The following ZNF562 variants were observed in gnomAD, a reference collection of about 807,000 sequenced individuals.
ZNF562 encodes zinc finger protein 562.
In ZNF562, 13 loss-of-function variants were observed where a neutral mutation model predicts 17.5. The observed-to-expected ratio is 0.74, with a 90% confidence interval of 0.48 to 1.18. The LOEUF (loss-of-function observed/expected upper bound fraction) is 1.18. ZNF562 is among the 50% of genes most tolerant of loss of function. The pLI is 0.00. For synonymous variants in ZNF562, 163 were observed against 165.4 expected, an observed-to-expected ratio of 0.99 and a Z score of 0.11; for missense variants, 481 against 498.5, an observed-to-expected ratio of 0.96 and a Z score of 0.33.
In ZNF562 at chr19:9,651,188, G is replaced by C. The variant is rs1474558725; in HGVS notation, c.*1761C>G. 3 of 152,106 alleles carry C rather than the reference G, an allele frequency of 2.0e-5. No individual in the cohort carries two copies. The highest frequency in any genetic ancestry group is 7.2e-5 in the African/African-American group (3 of 41,428). The allele number at this position is 152,106 out of a possible 1,614,324, so 9.4% of individuals were successfully genotyped here. A position where few individuals can be genotyped will look rare whatever the true frequency, so the allele number is the denominator to read the frequency against. ...GAGTAGAGGCTGGAAAAATTCTGAT[G>C]TGCAAGCTGGAAATAAGGTTGGTAA... is the stretch of plus-strand genomic sequence containing the variant. On this transcript the variant is annotated 3_prime_UTR_variant, in exon 6 of 6. Transcript: ENST00000453372.
At position 9,645,997 on chromosome 19, in the gene ZNF562, A is replaced by T. The variant is rs2074803709; in HGVS notation, c.*6952T>A. On this transcript the variant is annotated 3_prime_UTR_variant, in exon 6 of 6. Coordinates refer to ENST00000453372, the MANE Select transcript of ZNF562 (RefSeq NM_001130031.2). ...TAGATGCTAGAAATTAATCCAAATT[A>T]TTACTAATTAAATGTCAGGCACTAA... 1 of 152,102 alleles carries T rather than the reference A, an allele frequency of 6.6e-6. No individual in the cohort carries two copies. The highest frequency in any genetic ancestry group is 1.5e-5 in the Non-Finnish European group (1 of 68,018). 9.4% of individuals were successfully genotyped at this position (152,102 alleles called of 1,614,324 possible).
In ZNF562 at chr19:9,650,921, T is replaced by C. The variant is rs918197174; in HGVS notation, c.*2028A>G. ...GTGAGCCAAGATCATACCATTGCAC[T>C]CCAGCCTGGGCAACAAGAGCAAAAC... On this transcript the variant is annotated 3_prime_UTR_variant, in exon 6 of 6. Transcript: ENST00000453372. 1 of 113,880 alleles carries C rather than the reference T, an allele frequency of 8.8e-6. No homozygotes were observed. The highest frequency in any genetic ancestry group is 3.5e-5 in the African/African-American group (1 of 28,574). The allele number at this position is 113,880 out of a possible 1,614,324, so 7.1% of individuals were successfully genotyped here. A position where few individuals can be genotyped will look rare whatever the true frequency, so the allele number is the denominator to read the frequency against.
chr19:9,674,900 C>T (rs560186115), intron 1 of ZNF562, 115 bp downstream of exon 1: 4 of 152,438 alleles, frequency 2.6e-5, no homozygotes, highest in Admixed American at 2.0e-4. Flanking sequence ...GACTGACAGC[C>T]CCTAGAAAAG....
chr19:9,674,250 C>T (rs1452713100), intron 1 of ZNF562, among the ~76,000 whole-genome samples: 1 of 151,596 alleles, frequency 6.6e-6, no homozygotes, highest in Non-Finnish European at 1.5e-5. Flanking sequence ...GAAAATGAGT[C>T]AGGGTGGAGT....
chr19:9,660,758 T>C lies in ZNF562; in HGVS notation c.-14A>G, dbSNP rs764610191. ...AAAGGCTGACATCCTCTGAAGCTGATGGTGAGATGTGCCTCAATGCTGTCT... is the reference window on the plus strand; with the variant it reads ...AAAGGCTGACATCCTCTGAAGCTGACGGTGAGATGTGCCTCAATGCTGTCT... On this transcript the variant is annotated 5_prime_UTR_variant, in exon 2 of 6. Transcript: ENST00000453372. 1.9e-6 allele frequency: 3 copies of C among 1,613,450 alleles called. No individual in the cohort carries two copies. The highest frequency in any genetic ancestry group is 2.5e-6 in the Non-Finnish European group (3 of 1,179,630).
intron 1 of ZNF562, among the ~76,000 whole-genome samples, chr19:9,663,248 C>CAAAAAAAAAAAAAAAAA (rs59452070): frequency 5.4e-5 from 7 of 129,860 alleles, no homozygotes; most frequent in South Asian, 2.6e-4. Context: ...ACTAAAAATA[C>CAAAAAAAAAAAAAAAAA]AAAAAAAAAA....
At chr19:9,661,481 G>T (rs1341670300) in intron 1 of ZNF562, among the ~76,000 whole-genome samples, 1 of 152,102 alleles carries the variant, frequency 6.6e-6, no homozygotes, top group Non-Finnish European at 1.5e-5. Flanking sequence ...ACCATGCCTG[G>T]CTAATTTTTA....
chr19:9,654,649 A>G (rs116185247), intron 5 of ZNF562, among the ~76,000 whole-genome samples: 2 of 151,982 alleles, frequency 1.3e-5, no homozygotes, highest in Non-Finnish European at 2.9e-5. Context: ...GGACTTCATC[A>G]TGTTAGCCAG....
Position 9,659,393 on chromosome 19 carries a change from A to C in ZNF562, c.100T>G (p.Ser34Ala). The C allele has an allele frequency of 1.9e-6, 3 of 1,551,330 alleles. No homozygotes were observed. The highest frequency in any genetic ancestry group is 2.6e-6 in the Non-Finnish European group (3 of 1,146,788). Residue 34 changes from serine to alanine, a missense_variant, in exon 3 of 6, where the codon TCA (serine) becomes GCA (alanine). Transcript: ENST00000453372. Reference protein sequence around the residue: ...KIGTMVEDHRSNSYQDSVTFD... With the variant: ...KIGTMVEDHRANSYQDSVTFD... The stretch of plus-strand genomic sequence containing the variant: ...TTTCTGTTTACCTGGTAAGAATTTG[A>C]CCGGTGGTCCTCTACCATCGTTCCT...
Position 9,669,734 on chromosome 19 carries a change from GCACACACACACA to G in ZNF562, c.-131+5269_-131+5280del, listed in dbSNP as rs71188835. ...CGCGCGCGAGCGCGCGCGCGCGCGC[GCACACACACACA>G]CACACACACACACACACACACACAC... is the stretch of plus-strand genomic sequence containing the variant. On this transcript the variant is annotated intron_variant, in intron 1 of 5. Coordinates refer to ENST00000453372, the MANE Select transcript of ZNF562 (RefSeq NM_001130031.2). Among the ~76,000 whole-genome samples, 63 of 109,338 alleles carry G rather than the reference GCACACACACACA, an allele frequency of 5.8e-4. 2 individuals are homozygous for G. Among genetic ancestry groups the G allele is most frequent in the East Asian group, 2.4e-3 (8 of 3,370 alleles). 71.7% of individuals were successfully genotyped at this position (109,338 alleles called of 152,430 possible).
chr19:9,672,953 G>C (rs1442221395), intron 1 of ZNF562, among the ~76,000 whole-genome samples: 1 of 151,916 alleles, frequency 6.6e-6, no homozygotes, highest in Non-Finnish European at 1.5e-5. Context: ...CTCTTCAAAA[G>C]TTCAGCCTGT....
rs534857250 is a variant in ZNF562, at chr19:9,642,600, T to G, written c.*10349A>C. 3 of 152,084 alleles carry G rather than the reference T, an allele frequency of 2.0e-5. No individual in the cohort carries two copies. The South Asian group carries it at 6.2e-4, about 32-fold the overall frequency. The allele number at this position is 152,084 out of a possible 1,614,324, so 9.4% of individuals were successfully genotyped here. On this transcript the variant is annotated 3_prime_UTR_variant, in exon 6 of 6. Coordinates refer to ENST00000453372, the MANE Select transcript of ZNF562 (RefSeq NM_001130031.2). ...CCCTTTATTCTTTTACATATTTAAT[T>G]TTTTAAAAAATCAACAAAGATAGAG...
rs1259993028 is a variant in ZNF562 at position 9,642,458 on chromosome 19, G to A, written c.*10491C>T. 1 of 151,824 alleles carries A rather than the reference G, an allele frequency of 6.6e-6. No homozygotes were observed. Among genetic ancestry groups the A allele is most frequent in the Non-Finnish European group, 1.5e-5 (1 of 67,978 alleles). 9.4% of individuals were successfully genotyped at this position (151,824 alleles called of 1,614,324 possible). On this transcript the variant is annotated 3_prime_UTR_variant, in exon 6 of 6. Transcript: ENST00000453372. The stretch of plus-strand genomic sequence containing the variant: ...CAGCTAATTTTTAAAAATATATTTT[G>A]TAGAGAAGAGATCTCTCTATGTTGC...
At position 9,647,917 on chromosome 19, in the gene ZNF562, G is replaced by A. The variant is rs2074819964; in HGVS notation, c.*5032C>T. ...ACCAAAAAAATGAAAATATCTTGTA[G>A]TATTTTTAAATAGAGATGTGGTTTC... On this transcript the variant is annotated 3_prime_UTR_variant, in exon 6 of 6. Coordinates refer to ENST00000453372, the MANE Select transcript of ZNF562 (RefSeq NM_001130031.2). The A allele has an allele frequency of 6.6e-6, 1 of 152,100 alleles. No individual in the cohort carries two copies. Among genetic ancestry groups the A allele is most frequent in the Non-Finnish European group, 1.5e-5 (1 of 68,024 alleles). 9.4% of individuals were successfully genotyped at this position (152,100 alleles called of 1,614,324 possible).
At chr19:9,674,657 T>C (rs1440413197) in intron 1 of ZNF562, 1 of 152,186 alleles carries the variant, frequency 6.6e-6, no homozygotes, top group Non-Finnish European at 1.5e-5. Flanking sequence ...AGAGATAGGT[T>C]CCAGACGCGG....
chr19:9,653,472 A>ACTG lies in ZNF562; in HGVS notation c.755_757dup (p.Ala252dup), dbSNP rs763195838. Reference sequence around the variant, plus strand: ...CTTTTCGGATTTCTTTCCAGTATGAACTGCTACACACTGCTTTAAGTGTGA... The same window carrying ACTG: ...CTTTTCGGATTTCTTTCCAGTATGAACTGCTGCTACACACTGCTTTAAGTGTGA... On this transcript the variant is annotated inframe_insertion, in exon 6 of 6. Transcript: ENST00000453372. 6.2e-7 allele frequency: 1 copy of ACTG among 1,614,172 alleles called. No individual in the cohort carries two copies. Among genetic ancestry groups the ACTG allele is most frequent in the East Asian group, 2.2e-5 (1 of 44,878 alleles).
Position 9,652,877 on chromosome 19 carries a change from A to G in ZNF562, c.*72T>C. ...TGCTTTCCCAAATTCTTTACATACAAAAGGTTTCTCTCTGGTAGGAGTTCA... is the reference window on the plus strand; with the variant it reads ...TGCTTTCCCAAATTCTTTACATACAGAAGGTTTCTCTCTGGTAGGAGTTCA... On this transcript the variant is annotated 3_prime_UTR_variant, in exon 6 of 6. Coordinates refer to ENST00000453372, the MANE Select transcript of ZNF562 (RefSeq NM_001130031.2). 1 of 1,382,028 alleles carries G rather than the reference A, an allele frequency of 7.2e-7. No homozygotes were observed. Among genetic ancestry groups the G allele is most frequent in the Non-Finnish European group, 9.6e-7 (1 of 1,042,754 alleles). 85.6% of individuals were successfully genotyped at this position (1,382,028 alleles called of 1,614,324 possible). A position where few individuals can be genotyped will look rare whatever the true frequency, so the allele number is the denominator to read the frequency against.
rs753891258 is a variant in ZNF562, at chr19:9,653,660, G to T, written c.570C>A (p.Gly190=). ...TGAGAATTTCAAGATGCACAGCAAG[G>T]CCTGGAGTTAAGGTGAAGACTTTTC... ...PCGKVFTLTP[G]LAVHLEILNG... Residue 190 remains glycine, a synonymous_variant, in exon 6 of 6, where the codon GGC becomes GGA. Transcript: ENST00000453372. The T allele has an allele frequency of 1.9e-6, 3 of 1,614,072 alleles. No homozygotes were observed. The highest frequency in any genetic ancestry group is 2.5e-6 in the Non-Finnish European group (3 of 1,179,942).
intron 1 of ZNF562, among the ~76,000 whole-genome samples, chr19:9,674,184 T>C (rs1481849721): frequency 6.6e-6 from 1 of 150,904 alleles, no homozygotes; most frequent in Non-Finnish European, 1.5e-5. Flanking sequence ...ACAGGGTGAG[T>C]GGTTTGTTGG....
Sources: allele counts gnomAD v4.1 joint callset (sites outside exome capture counted in the v4.1 genomes callset), GRCh38; gene constraint gnomAD v4.1.1; transcripts MANE v1.5; gene names NCBI Gene and HGNC (gene_info 2026-07-23, HGNC 2026-07-21).